Variants in RGPD3 observed in about 807,000 individuals in gnomAD.
RGPD3 encodes the protein RANBP2 like and GRIP domain containing 3.
A neutral mutation model predicts 154.5 loss-of-function variants in RGPD3; 62 were observed. The ratio of observed to expected loss-of-function variants is 0.40; its 90% confidence interval spans 0.33 to 0.50. The LOEUF (loss-of-function observed/expected upper bound fraction) is 0.50, where lower values mean the gene tolerates loss of function less well. RGPD3 is among the 20% of genes least tolerant of loss of function. RGPD3 has a pLI of 0.59. For missense variants in RGPD3, 919 were observed against 1,716.8 expected (o/e 0.54, Z 8.21); for synonymous variants, 308 against 607.0 (o/e 0.51, Z 7.24).
At chr2:106,441,858 C>A (rs1263059926) in intron 7 of RGPD3, among the ~76,000 whole-genome samples, 1 of 75,572 alleles carries the variant, frequency 1.3e-5, no homozygotes. Context: ...AGTGAGACTC[C>A]ATCGCAAAAA....
intron 7 of RGPD3, among the ~76,000 whole-genome samples, chr2:106,446,327 G>A (rs539322029): frequency 3.6e-4 from 54 of 151,484 alleles, no homozygotes; most frequent in Non-Finnish European, 5.5e-4. Context: ...CAGCACTCTG[G>A]GAGGCCGAGG....
intron 22 of RGPD3, among the ~76,000 whole-genome samples, chr2:106,410,061 A>C (rs1184462081): frequency 1.3e-5 from 2 of 151,394 alleles, no homozygotes; most frequent in Non-Finnish European, 2.9e-5. Context: ...TTCTGAGTAG[A>C]GAGGGGGTTT....
chr2:106,437,425 T>C (rs1466201359), intron 9 of RGPD3, among the ~76,000 whole-genome samples: 3 of 150,246 alleles, frequency 2.0e-5, no homozygotes, highest in African/African-American at 7.4e-5. Flanking sequence ...GGCAAGACAA[T>C]TGCTTGAACC....
At chr2:106,407,506 G>T (rs977402222) in intron 22 of RGPD3, among the ~76,000 whole-genome samples, 2 of 151,268 alleles carry the variant, frequency 1.3e-5, no homozygotes, top group Non-Finnish European at 2.9e-5. Flanking sequence ...TCCAAGTGAG[G>T]TAACCTTGTT....
At chr2:106,468,847 A>C (rs1203623990), upstream of RGPD3, among the ~76,000 whole-genome samples, 1 of 136,726 alleles carries the variant, frequency 7.3e-6, no homozygotes, top group Admixed American at 7.3e-5. Context: ...CTAAACTGTG[A>C]TTTGAGGCAG....
At chr2:106,410,248 A>G (rs1676630913) in intron 22 of RGPD3, among the ~76,000 whole-genome samples, 4 of 152,128 alleles carry the variant, frequency 2.6e-5, no homozygotes. Flanking sequence ...TTTTAATTAT[A>G]ATAAGGTCTC....
Position 106,424,368 on chromosome 2 carries a change from C to G in RGPD3, c.3599G>C (p.Ser1200Thr). Reference sequence around the variant, plus strand: ...AAATGTTTTGAAATCTTTCAGTCCACTCTTCATTTCTTCAGCTCTCTGTAT... The same window carrying G: ...AAATGTTTTGAAATCTTTCAGTCCAGTCTTCATTTCTTCAGCTCTCTGTAT... ...KLIQRAEEMK[S>T]GLKDFKTFLT... The change falls in exon 20 of 23, where the codon AGT becomes ACT. Residue 1200 changes from serine (S) to threonine (T), a missense_variant. By Grantham distance (58) the Ser-to-Thr change is moderately conservative. Coordinates refer to ENST00000409886, the MANE Select transcript of RGPD3 (RefSeq NM_001144013.2). 1 of 1,611,688 alleles carries G rather than the reference C, an allele frequency of 6.2e-7. No individual in the cohort carries two copies. The highest frequency in any genetic ancestry group is 1.1e-5 in the South Asian group (1 of 90,974).
intron 21 of RGPD3, among the ~76,000 whole-genome samples, chr2:106,415,588 A>G (rs1188448915): frequency 1.7e-4 from 24 of 143,750 alleles, no homozygotes; most frequent in African/African-American, 5.9e-4. Context: ...GAGGCAGGAG[A>G]ATGGCGTGAA....
chr2:106,465,768 G>C (rs1034596070), intron 1 of RGPD3, among the ~76,000 whole-genome samples: 1 of 151,786 alleles, frequency 6.6e-6, no homozygotes, highest in South Asian at 2.1e-4. Context: ...AAAGTGTTCC[G>C]GGCAGGGAGG....
chr2:106,424,872 T>C lies in RGPD3; in HGVS notation c.3095A>G (p.Asp1032Gly). 1.9e-6 allele frequency: 3 copies of C among 1,611,726 alleles called. No individual in the cohort carries two copies. The highest frequency in any genetic ancestry group is 2.5e-6 in the Non-Finnish European group (3 of 1,179,766). The change falls in exon 20 of 23, where the codon GAC becomes GGC. Residue 1032 changes from aspartate (D) to glycine (G), a missense_variant. Asp to Gly is a moderately conservative substitution (Grantham distance 94). Coordinates refer to ENST00000409886, the MANE Select transcript of RGPD3 (RefSeq NM_001144013.2). ...EKDDDAYKTE[D>G]SDDIHFEPVV... Reference sequence around the variant, plus strand: ...TGGTTCAAAATGGATGTCATCGCTGTCCTCAGTCTTATAGGCATCATCATC... The same window carrying C: ...TGGTTCAAAATGGATGTCATCGCTGCCCTCAGTCTTATAGGCATCATCATC...
chr2:106,460,415 T>C (rs1678373997), intron 1 of RGPD3, among the ~76,000 whole-genome samples: 1 of 150,406 alleles, frequency 6.6e-6, no homozygotes, highest in Non-Finnish European at 1.5e-5. Flanking sequence ...ATAGTACATG[T>C]ACTGTTCTCT....
At position 106,423,885 on chromosome 2, in the gene RGPD3, C is replaced by T. The variant is rs754632360; in HGVS notation, c.4082G>A (p.Arg1361Lys). 1.9e-6 allele frequency: 3 copies of T among 1,611,810 alleles called. No homozygotes were observed. Among genetic ancestry groups the T allele is most frequent in the Non-Finnish European group, 2.5e-6 (3 of 1,179,870 alleles). Reference protein sequence around the residue: ...EENEQVVFSHRAEFYRYDKDV... With the variant: ...EENEQVVFSHKAEFYRYDKDV... Reference sequence around the variant, plus strand: ...TTTATCATATCTGTAGAATTCTGCCCTGTGACTAAAAACAACTTGTTCATT... The same window carrying T: ...TTTATCATATCTGTAGAATTCTGCCTTGTGACTAAAAACAACTTGTTCATT... Residue 1361 changes from arginine (R) to lysine (K), a missense_variant, in exon 20 of 23, where the codon AGG becomes AAG. Arg to Lys is a conservative substitution (Grantham distance 26, BLOSUM62 2). Coordinates refer to ENST00000409886, the MANE Select transcript of RGPD3 (RefSeq NM_001144013.2).
chr2:106,437,686 G>T (rs1432812029), intron 9 of RGPD3, among the ~76,000 whole-genome samples: 1 of 151,986 alleles, frequency 6.6e-6, no homozygotes, highest in African/African-American at 2.4e-5. Flanking sequence ...GACACTTTTT[G>T]TTGAAGTTTT....
At chr2:106,441,441 G>A (rs1278916061) in intron 7 of RGPD3, 61 bp from the exon 8 acceptor site, 2 of 925,422 alleles carry the variant, frequency 2.2e-6, no homozygotes, top group South Asian at 3.6e-5. Flanking sequence ...ATAGTAACAT[G>A]GTCTTATCTA....
At chr2:106,464,812 C>T (rs1406617042) in intron 1 of RGPD3, among the ~76,000 whole-genome samples, 1 of 152,100 alleles carries the variant, frequency 6.6e-6, no homozygotes, top group Non-Finnish European at 1.5e-5. Context: ...CAACCTCTGC[C>T]TCCAGGGTTC....
At chr2:106,410,182 C>A (rs111521256) in intron 22 of RGPD3, among the ~76,000 whole-genome samples, 12,144 of 152,062 alleles carry the variant, frequency 0.08, 513 homozygotes, top group African/African-American at 0.094. Flanking sequence ...GCCTTACATT[C>A]TCTCTCTTAA....
rs1471328250 is a variant in RGPD3 at position 106,447,482 on chromosome 2, C to G, written c.914G>C (p.Gly305Ala). ...GSLLLKMGQHGNNVQWRALSE... is the reference protein window; with the variant it reads ...GSLLLKMGQHANNVQWRALSE... The stretch of plus-strand genomic sequence containing the variant: ...AAGAGCTCGCCATTGAACATTATTA[C>G]CATGCTGACCCATCTTCAAGAGCAG... The change falls in exon 7 of 23, where the codon GGT becomes GCT. Residue 305 changes from glycine to alanine, a missense_variant. Physicochemically the swap from Gly to Ala is moderately conservative, Grantham distance 60. Coordinates refer to ENST00000409886, the MANE Select transcript of RGPD3 (RefSeq NM_001144013.2). The G allele has an allele frequency of 4.5e-6, 1 of 219,828 alleles. No homozygotes were observed. The highest frequency in any genetic ancestry group is 1.4e-4 in the African/African-American group (1 of 7,112). The allele number at this position is 219,828 out of a possible 1,614,324, so 13.6% of individuals were successfully genotyped here. A position where few individuals can be genotyped will look rare whatever the true frequency, so the allele number is the denominator to read the frequency against.
chr2:106,467,523 T>A (rs5017773), intron 1 of RGPD3, among the ~76,000 whole-genome samples: 5 of 6,042 alleles, frequency 8.3e-4, no homozygotes, highest in Non-Finnish European at 9.5e-4. Flanking sequence ...AGGCCGCCGC[T>A]GGGCCGGGTT....
rs1676448464 is a variant in RGPD3 at position 106,404,478 on chromosome 2, TG to T, written c.*740del. Among the ~76,000 whole-genome samples, 1 of 139,720 alleles carries T rather than the reference TG, an allele frequency of 7.2e-6. No homozygotes were observed. The highest frequency in any genetic ancestry group is 2.3e-4 in the South Asian group (1 of 4,362). The allele number at this position is 139,720 out of a possible 152,430, so 91.7% of individuals were successfully genotyped here. On this transcript the variant is annotated 3_prime_UTR_variant, in exon 23 of 23. Transcript: ENST00000409886. Reference sequence around the variant, plus strand: ...TGTATTTTAACTTAGCACAATTAACTGCAGCATATTTACTTCATAGCCCCTT... The same window carrying T: ...TGTATTTTAACTTAGCACAATTAACTCAGCATATTTACTTCATAGCCCCTT...
Sources: gnomAD v4.1 joint callset for allele counts (sites outside exome capture counted in the v4.1 genomes callset) on GRCh38, gnomAD v4.1.1 for gene constraint, MANE v1.5 for transcripts, NCBI Gene and HGNC (gene_info 2026-07-23, HGNC 2026-07-21) for gene names.